The following MAF variants were observed in gnomAD, a reference collection of about 807,000 sequenced individuals.
MAF encodes transcription factor Maf.
Under a neutral mutation model 22.0 loss-of-function variants are expected in MAF, and 10 were observed. The observed-to-expected ratio is 0.45, with a 90% CI of 0.28 to 0.77. The LOEUF (loss-of-function observed/expected upper bound fraction) is 0.77. Among genes scored for constraint, MAF ranks in the 30% least tolerant of loss-of-function variants. The probability of loss-of-function intolerance (pLI) is 0.12; values close to 1 mark genes in which losing one functional copy is unlikely to be tolerated. For missense variants in MAF, 544 were observed against 548.4 expected, an observed-to-expected ratio of 0.99 and a Z score of 0.08; for synonymous variants, 337 against 255.8, an observed-to-expected ratio of 1.32 and a Z score of -3.03.
the MAF span, among the ~76,000 whole-genome samples, chr16:79,441,459 T>C: frequency 7.0e-4 from 106 of 152,346 alleles, no homozygotes; most frequent in African/African-American, 2.5e-3. Flanking sequence ...GCTCTGCTGT[T>C]GAAGTGTGAA....
the MAF span, among the ~76,000 whole-genome samples, chr16:79,303,350 C>A: frequency 6.6e-3 from 1,009 of 152,314 alleles, 10 homozygotes; most frequent in African/African-American, 0.023. Context: ...CTTATGATAG[C>A]TTCAGAGCCT....
the MAF span, chr16:79,211,614 G>T: frequency 1.9e-6 from 3 of 1,614,164 alleles, no homozygotes; most frequent in Non-Finnish European, 2.5e-6. Flanking sequence ...CCAGCAACAG[G>T]GAGCTGCCAC....
chr16:79,350,780 T>A, the MAF span, among the ~76,000 whole-genome samples: 2 of 152,054 alleles, frequency 1.3e-5, no homozygotes, highest in Non-Finnish European at 2.9e-5. Flanking sequence ...CAGCCTTCAG[T>A]GAGCAAGAAA....
the MAF span, among the ~76,000 whole-genome samples, chr16:79,518,877 A>T: frequency 1.8e-4 from 27 of 152,272 alleles, no homozygotes; most frequent in African/African-American, 6.3e-4. Flanking sequence ...ATGAGCCAAG[A>T]TCATGCCACT....
At chr16:79,413,690 C>T in the MAF span, among the ~76,000 whole-genome samples, 1 of 152,078 alleles carries the variant, frequency 6.6e-6, no homozygotes, top group Non-Finnish European at 1.5e-5. Flanking sequence ...CAGATAATCT[C>T]CATTGTGGGA....
the MAF span, among the ~76,000 whole-genome samples, chr16:79,299,189 C>T: frequency 6.6e-6 from 1 of 152,120 alleles, no homozygotes. Context: ...CGACCTTTGC[C>T]CTTTGGCTAA....
chr16:79,259,038 TCTC>T, the MAF span, among the ~76,000 whole-genome samples: 1 of 152,020 alleles, frequency 6.6e-6, no homozygotes, highest in Non-Finnish European at 1.5e-5. Flanking sequence ...GGTTAAAAAT[TCTC>T]CTCCTTCTAC....
intron 1 of MAF, chr16:79,595,039 A>T: frequency 9.5e-7 from 1 of 1,055,690 alleles, no homozygotes; most frequent in Non-Finnish European, 1.1e-6. Context: ...GTTTGCCTAA[A>T]ATCTTTCATC....
chr16:79,328,221 A>T, the MAF span, among the ~76,000 whole-genome samples: 1 of 152,074 alleles, frequency 6.6e-6, no homozygotes, highest in African/African-American at 2.4e-5. Flanking sequence ...TTCAGAGGGC[A>T]TTGCCTGGCC....
chr16:79,423,193 A>G, the MAF span, among the ~76,000 whole-genome samples: 4 of 152,212 alleles, frequency 2.6e-5, no homozygotes, highest in Admixed American at 6.5e-5. Flanking sequence ...CCTATACCGC[A>G]AGAGTTATCA....
the MAF span, among the ~76,000 whole-genome samples, chr16:79,422,344 TTC>T: frequency 6.6e-6 from 1 of 152,222 alleles, no homozygotes; most frequent in Non-Finnish European, 1.5e-5. Flanking sequence ...AGAGGTTTTC[TTC>T]TGTTTTTATT....
At chr16:79,277,857 GGCATTATATCTGT>G in the MAF span, among the ~76,000 whole-genome samples, 1 of 152,166 alleles carries the variant, frequency 6.6e-6, no homozygotes, top group Non-Finnish European at 1.5e-5. Context: ...GTCTTTAGGA[GGCATTATATCTGT>G]GCCTCCTAAA....
chr16:79,228,879 G>A, the MAF span, among the ~76,000 whole-genome samples: 5 of 151,916 alleles, frequency 3.3e-5, no homozygotes, highest in Non-Finnish European at 7.4e-5. Context: ...ATAGACTACA[G>A]TGAGAATGGT....
chr16:79,388,958 A>C, the MAF span, among the ~76,000 whole-genome samples: 1 of 152,176 alleles, frequency 6.6e-6, no homozygotes, highest in Non-Finnish European at 1.5e-5. Flanking sequence ...TTTATTACCT[A>C]GTCTTACTAC....
the MAF span, among the ~76,000 whole-genome samples, chr16:79,540,984 C>A: frequency 6.6e-6 from 1 of 151,740 alleles, no homozygotes; most frequent in Non-Finnish European, 1.5e-5. Flanking sequence ...CTATTTACTA[C>A]GGTTACTACA....
At position 79,599,551 on chromosome 16, in the gene MAF, T is replaced by C; in HGVS notation, c.352A>G (p.Ile118Val). 1 of 1,575,988 alleles carries C rather than the reference T, an allele frequency of 6.3e-7. No individual in the cohort carries two copies. The highest frequency in any genetic ancestry group is 8.6e-7 in the Non-Finnish European group (1 of 1,161,362). The change falls in exon 1 of 2, where the codon ATC becomes GTC. Residue 118 changes from isoleucine to valine, a missense_variant. This residue lies in a region of MAF where 342 missense variants were observed against 315.5 expected (regional missense o/e 1.08). Coordinates refer to ENST00000326043, the MANE Select transcript of MAF (RefSeq NM_005360.5). Reference sequence around the variant, plus strand: ...CCCTGGAGCTGGTGGCTGTTGCTGATGAGCGCCTCGACCGCGTCCTCGGGG... The same window carrying C: ...CCCTGGAGCTGGTGGCTGTTGCTGACGAGCGCCTCGACCGCGTCCTCGGGG... ...FSPEDAVEAL[I>V]SNSHQLQGGF... is the part of the protein sequence containing the mutation.
the MAF span, among the ~76,000 whole-genome samples, chr16:79,307,598 T>TA: frequency 1.1e-4 from 17 of 151,952 alleles, no homozygotes; most frequent in African/African-American, 3.1e-4. Context: ...CCCTTTACTA[T>TA]AAAAAAATGG....
chr16:79,484,063 G>T, the MAF span, among the ~76,000 whole-genome samples: 1 of 152,156 alleles, frequency 6.6e-6, no homozygotes, highest in African/African-American at 2.4e-5. Context: ...TATTTCCTTT[G>T]AGAGCTTCCT....
At chr16:79,527,671 A>G in the MAF span, among the ~76,000 whole-genome samples, 124 of 152,146 alleles carry the variant, frequency 8.2e-4, no homozygotes, top group African/African-American at 2.7e-3. Context: ...CAATCATAAA[A>G]CCACTTCTTA....
Sources: allele counts gnomAD v4.1 joint callset (sites outside exome capture counted in the v4.1 genomes callset), GRCh38; gene constraint gnomAD v4.1.1; regional missense constraint gnomAD v4.1.1; transcripts MANE v1.5; gene names NCBI Gene and HGNC (gene_info 2026-07-23, HGNC 2026-07-21).